Variants in MSRB3 observed in about 807,000 individuals in gnomAD.
MSRB3 encodes methionine sulfoxide reductase B3.
In MSRB3, 13 loss-of-function variants were observed where a neutral mutation model predicts 21.0. The ratio of observed to expected loss-of-function variants is 0.62; its 90% CI spans 0.40 to 0.98. The LOEUF is 0.98. Among genes scored for constraint, MSRB3 ranks in the 50% least tolerant of loss-of-function variants. MSRB3 has a pLI of 0.00. For synonymous variants in MSRB3, 87 were observed against 88.6 expected (o/e 0.98, Z 0.10); for missense variants, 199 against 230.3 (o/e 0.86, Z 0.88).
intron 4 of MSRB3, among the ~76,000 whole-genome samples, chr12:65,347,528 C>A (rs542042221): frequency 6.6e-6 from 1 of 152,174 alleles, no homozygotes; most frequent in Admixed American, 6.5e-5. Flanking sequence ...ATGTCATCTG[C>A]AAACAGGGAC....
In MSRB3 at chr12:65,326,906, C is replaced by G. The variant is rs1401233586; in HGVS notation, c.157C>G (p.His53Asp). Residue 53 changes from histidine to aspartate, a missense_variant, in exon 3 of 7, where the codon CAT becomes GAT. Coordinates refer to ENST00000308259, the MANE Select transcript of MSRB3 (RefSeq NM_001031679.3). ...LRKRLTPLQY[H>D]VTQEKGTESA... is the part of the protein sequence containing the mutation. The stretch of plus-strand genomic sequence containing the variant: ...GAAGCGGCTAACACCCCTGCAGTAC[C>G]ATGTCACTCAGGAGAAAGGGACCGA... 6.2e-7 allele frequency: 1 copy of G among 1,613,740 alleles called. No homozygotes were observed. The highest frequency in any genetic ancestry group is 2.2e-5 in the East Asian group (1 of 44,872).
chr12:65,383,198 C>T (rs1054117546), intron 5 of MSRB3, among the ~76,000 whole-genome samples: 2 of 152,102 alleles, frequency 1.3e-5, no homozygotes, highest in Non-Finnish European at 2.9e-5. Flanking sequence ...TTAATTTACC[C>T]GTGCTCAATT....
chr12:65,346,226 C>T (rs1283150872), intron 4 of MSRB3, among the ~76,000 whole-genome samples: 1 of 152,186 alleles, frequency 6.6e-6, no homozygotes, highest in East Asian at 1.9e-4. Flanking sequence ...TCCTATTTCT[C>T]CACATCCTCT....
At chr12:65,379,806 G>T (rs1340766735) in intron 5 of MSRB3, among the ~76,000 whole-genome samples, 1 of 152,150 alleles carries the variant, frequency 6.6e-6, no homozygotes, top group Non-Finnish European at 1.5e-5. Flanking sequence ...ATATTCTCAG[G>T]TCCAGAAGAC....
At chr12:65,410,309 T>C (rs760624779) in intron 5 of MSRB3, among the ~76,000 whole-genome samples, 4 of 152,164 alleles carry the variant, frequency 2.6e-5, no homozygotes, top group Non-Finnish European at 4.4e-5. Flanking sequence ...ACCAGATCAA[T>C]GCTTGTTGGC....
At chr12:65,340,832 G>T (rs1876088154) in intron 4 of MSRB3, among the ~76,000 whole-genome samples, 1 of 152,036 alleles carries the variant, frequency 6.6e-6, no homozygotes, top group Admixed American at 6.6e-5. Flanking sequence ...AAATCTCAGT[G>T]AGGTGGGTAA....
intron 5 of MSRB3, among the ~76,000 whole-genome samples, chr12:65,374,857 C>A (rs1878511925): frequency 6.6e-6 from 1 of 152,060 alleles, no homozygotes; most frequent in African/African-American, 2.4e-5. Context: ...ATCTTTCTTT[C>A]TTTCTTTTTT....
intron 2 of MSRB3, among the ~76,000 whole-genome samples, chr12:65,325,130 A>G (rs1260319378): frequency 6.6e-6 from 1 of 152,204 alleles, no homozygotes; most frequent in Non-Finnish European, 1.5e-5. Flanking sequence ...CTCACCTATC[A>G]CTGTTGACTG....
intron 4 of MSRB3, among the ~76,000 whole-genome samples, chr12:65,329,547 G>A (rs1042408920): frequency 2.6e-5 from 4 of 152,020 alleles, no homozygotes; most frequent in Non-Finnish European, 2.9e-5. Flanking sequence ...CTACTCGGGA[G>A]GCTGAGGCAG....
chr12:65,364,346 G>C (rs569745856), intron 4 of MSRB3, among the ~76,000 whole-genome samples: 5 of 152,084 alleles, frequency 3.3e-5, no homozygotes, highest in African/African-American at 1.2e-4. Flanking sequence ...ATTAAAAGGG[G>C]GAGGATGAAT....
chr12:65,330,606 A>G (rs2136456540), intron 4 of MSRB3, among the ~76,000 whole-genome samples: 1 of 152,088 alleles, frequency 6.6e-6, no homozygotes, highest in East Asian at 1.9e-4. Context: ...CTCTATCATG[A>G]CCACCCTTCT....
intron 5 of MSRB3, among the ~76,000 whole-genome samples, chr12:65,407,110 A>G (rs1880455568): frequency 6.6e-6 from 1 of 152,188 alleles, no homozygotes; most frequent in Admixed American, 6.5e-5. Flanking sequence ...AAAAACAGAC[A>G]CATAGGCCAA....
intron 1 of MSRB3, among the ~76,000 whole-genome samples, chr12:65,279,980 G>T (rs1004493294): frequency 2.0e-5 from 3 of 151,988 alleles, no homozygotes; most frequent in Admixed American, 1.3e-4. Context: ...ATAAGATATG[G>T]CAAACTAGGA....
At chr12:65,406,367 T>C (rs931781975) in intron 5 of MSRB3, among the ~76,000 whole-genome samples, 7 of 152,162 alleles carry the variant, frequency 4.6e-5, no homozygotes, top group East Asian at 1.9e-4. Context: ...GCTAAAATAC[T>C]TAGGAATAAA....
At chr12:65,403,117 C>T (rs1880221581) in intron 5 of MSRB3, among the ~76,000 whole-genome samples, 1 of 152,206 alleles carries the variant, frequency 6.6e-6, no homozygotes, top group Non-Finnish European at 1.5e-5. Flanking sequence ...CTGTCCCTTA[C>T]AGAGCTCAAG....
At position 65,318,093 on chromosome 12, in the gene MSRB3, AT is replaced by A. The variant is rs796902085; in HGVS notation, c.77-8723del. Among the ~76,000 whole-genome samples, 59 of 149,588 alleles carry A rather than the reference AT, an allele frequency of 3.9e-4. 1 individual carries two copies. The highest frequency in any genetic ancestry group is 1.2e-3 in the African/African-American group (49 of 40,824). On this transcript the variant is annotated intron_variant, in intron 2 of 6. Transcript: ENST00000308259. ...AAATTTGAGTGAAAAAGTAAAGTGG[AT>A]TTTTTTTTTCTCCAGAACTCCTCAG...
intron 4 of MSRB3, among the ~76,000 whole-genome samples, chr12:65,368,467 T>C (rs980057764): frequency 6.6e-6 from 1 of 152,200 alleles, no homozygotes; most frequent in Non-Finnish European, 1.5e-5. Flanking sequence ...CTTCAAAGGC[T>C]TCTGAATTTA....
chr12:65,346,794 T>A lies in MSRB3; in HGVS notation c.263+18191T>A, dbSNP rs572278066. ...GTAAGGAAGGGATCCAGTTTCAGCT[T>A]TCTACATATGGCTAGCCAGTTTTCC... On this transcript the variant is annotated intron_variant, in intron 4 of 6. Transcript: ENST00000308259. Among the ~76,000 whole-genome samples, 18 of 152,296 alleles carry A rather than the reference T, an allele frequency of 1.2e-4. No homozygotes were observed. In the South Asian group the frequency reaches 1.5e-3, roughly 12 times the overall value.
At chr12:65,403,231 C>G (rs1880229274) in intron 5 of MSRB3, among the ~76,000 whole-genome samples, 2 of 152,184 alleles carry the variant, frequency 1.3e-5, no homozygotes, top group Admixed American at 6.5e-5. Flanking sequence ...GGTGCTCTGT[C>G]CCAGGGAGAT....
Sources: gnomAD v4.1 joint callset for allele counts (sites outside exome capture counted in the v4.1 genomes callset) on GRCh38, gnomAD v4.1.1 for gene constraint, MANE v1.5 for transcripts, NCBI Gene and HGNC (gene_info 2026-07-23, HGNC 2026-07-21) for gene names.